RNF166: variants seen among roughly 807,000 people sequenced by gnomAD.
RNF166 encodes ring finger protein 166.
RNF166 carries 19 observed loss-of-function variants against 29.4 expected under a neutral mutation model. The ratio of observed to expected loss-of-function variants is 0.65; its 90% CI spans 0.45 to 0.95. The LOEUF is 0.95. RNF166 is among the 40% of genes least tolerant of loss of function. RNF166 has a pLI of 0.00. For synonymous variants in RNF166, 171 were observed against 134.5 expected (o/e 1.27, Z -1.88); for missense variants, 347 against 322.1 (o/e 1.08, Z -0.59).
intron 1 of RNF166, 154 bp from the exon 2 acceptor site, chr16:88,701,572 T>C (rs1180856996): frequency 1.1e-5 from 8 of 708,400 alleles, no homozygotes; most frequent in African/African-American, 1.8e-5. Context: ...GTCACTCCTA[T>C]GTCCGGGGCC....
chr16:88,696,914 T>C lies in RNF166; in HGVS notation c.*654A>G, dbSNP rs981542692. On this transcript the variant is annotated 3_prime_UTR_variant, in exon 6 of 6. Transcript: ENST00000312838. ...CTCTGGCAGCTGCCCCACTGCTCCTTCCATCCTTGCCCCAATCCCCCAATG... is the reference window on the plus strand; with the variant it reads ...CTCTGGCAGCTGCCCCACTGCTCCTCCCATCCTTGCCCCAATCCCCCAATG... The C allele has an allele frequency of 8.8e-6, 2 of 228,114 alleles. No individual in the cohort carries two copies. Among genetic ancestry groups the C allele is most frequent in the East Asian group, 1.6e-4 (1 of 6,316 alleles). The allele number at this position is 228,114 out of a possible 1,614,324, so 14.1% of individuals were successfully genotyped here.
chr16:88,701,419 C>T lies in RNF166; in HGVS notation c.156-1G>A. 6.3e-7 allele frequency: 1 copy of T among 1,584,902 alleles called. No individual in the cohort carries two copies. The highest frequency in any genetic ancestry group is 8.6e-7 in the Non-Finnish European group (1 of 1,167,446). On this transcript the variant is annotated splice_acceptor_variant, in intron 1 of 5. Coordinates refer to ENST00000312838, the MANE Select transcript of RNF166 (RefSeq NM_178841.4). LOFTEE classifies it high-confidence loss of function. ...GGGCTGGAGACACTCCCCGCAGAACCTGCAGGGCACAGGGGCCTGAGTGCC... is the reference window on the plus strand; with the variant it reads ...GGGCTGGAGACACTCCCCGCAGAACTTGCAGGGCACAGGGGCCTGAGTGCC...
chr16:88,704,092 T>TA, intron 1 of RNF166: 1 of 983,770 alleles, frequency 1.0e-6, no homozygotes, highest in Non-Finnish European at 1.2e-6. Flanking sequence ...CACACTGGGA[T>TA]ACTCTTGCCA....
chr16:88,699,833 C>T (rs945978445), intron 2 of RNF166, 101 bp from the exon 3 acceptor site: 2 of 761,252 alleles, frequency 2.6e-6, no homozygotes, highest in Non-Finnish European at 4.2e-6. Flanking sequence ...GAACTGTAAG[C>T]AAGCGTCTGT....
rs1443147535 is a variant in RNF166, at chr16:88,704,280, C to T, written c.155+1891G>A. ...AACAAAGTTAGAAGCAGAGAGAGAACAGCCAGAAAACAAAAGCCAGCAGGA... is the reference window on the plus strand; with the variant it reads ...AACAAAGTTAGAAGCAGAGAGAGAATAGCCAGAAAACAAAAGCCAGCAGGA... On this transcript the variant is annotated intron_variant, in intron 1 of 5. Coordinates refer to ENST00000312838, the MANE Select transcript of RNF166 (RefSeq NM_178841.4). The T allele has an allele frequency of 4.1e-6, 4 of 985,336 alleles. 1 individual carries two copies. In the Admixed American group the frequency reaches 2.5e-4, roughly 61 times the overall value. The allele number at this position is 985,336 out of a possible 1,614,324, so 61.0% of individuals were successfully genotyped here.
chr16:88,704,507 A>C, intron 1 of RNF166: 1 of 985,442 alleles, frequency 1.0e-6, no homozygotes, highest in Non-Finnish European at 1.2e-6. Flanking sequence ...TATTTGAAAA[A>C]GAAGGGCAAA....
At chr16:88,704,843 A>T (rs1393692209) in intron 1 of RNF166, among the ~76,000 whole-genome samples, 1 of 152,156 alleles carries the variant, frequency 6.6e-6, no homozygotes, top group Non-Finnish European at 1.5e-5. Context: ...TACAGCAATT[A>T]GCCGGGCGTG....
Position 88,697,405 on chromosome 16 carries a change from C to G in RNF166, c.*163G>C. On this transcript the variant is annotated 3_prime_UTR_variant, in exon 6 of 6. Transcript: ENST00000312838. ...GCTCTGGCGGCCTCGGCGGCTGGCCCGTATTCAGGCCCGGAGGCTCGGCCC... is the reference window on the plus strand; with the variant it reads ...GCTCTGGCGGCCTCGGCGGCTGGCCGGTATTCAGGCCCGGAGGCTCGGCCC... 2 of 559,588 alleles carry G rather than the reference C, an allele frequency of 3.6e-6. No individual in the cohort carries two copies. The highest frequency in any genetic ancestry group is 2.3e-5 in the South Asian group (1 of 44,096). The allele number at this position is 559,588 out of a possible 1,614,324, so 34.7% of individuals were successfully genotyped here. A position where few individuals can be genotyped will look rare whatever the true frequency, so the allele number is the denominator to read the frequency against.
rs769976883 is a variant in RNF166 at position 88,699,736 on chromosome 16, G to T, written c.313-4C>A. The T allele has an allele frequency of 1.9e-6, 3 of 1,610,894 alleles. No homozygotes were observed. The highest frequency in any genetic ancestry group is 1.7e-5 in the Admixed American group (1 of 59,864). ...CTCTCATCTTTGCCAGGGTCACCTAGGAGACAGGGCAGGGAGGGCAAGGCG... is the reference window on the plus strand; with the variant it reads ...CTCTCATCTTTGCCAGGGTCACCTATGAGACAGGGCAGGGAGGGCAAGGCG... On this transcript the variant is annotated splice_polypyrimidine_tract_variant and splice_region_variant and intron_variant, in intron 2 of 5. Coordinates refer to ENST00000312838, the MANE Select transcript of RNF166 (RefSeq NM_178841.4).
At chr16:88,697,662 GCTCGA>G in intron 5 of RNF166, 29 bp from the exon 6 acceptor site, 1 of 1,512,836 alleles carries the variant, frequency 6.6e-7, no homozygotes, top group Non-Finnish European at 9.0e-7. Flanking sequence ...GATGCACCGG[GCTCGA>G]GGGAGACAGG....
Position 88,697,427 on chromosome 16 carries a change from G to C in RNF166, c.*141C>G. The C allele has an allele frequency of 1.6e-6, 1 of 627,886 alleles. No homozygotes were observed. The allele number at this position is 627,886 out of a possible 1,614,324, so 38.9% of individuals were successfully genotyped here. A position where few individuals can be genotyped will look rare whatever the true frequency, so the allele number is the denominator to read the frequency against. ...GCCCGTATTCAGGCCCGGAGGCTCGGCCCCGGCTCCCCTTCTGCGCGGGTG... is the reference window on the plus strand; with the variant it reads ...GCCCGTATTCAGGCCCGGAGGCTCGCCCCCGGCTCCCCTTCTGCGCGGGTG... On this transcript the variant is annotated 3_prime_UTR_variant, in exon 6 of 6. Coordinates refer to ENST00000312838, the MANE Select transcript of RNF166 (RefSeq NM_178841.4).
chr16:88,697,775 A>T (rs1015302231), intron 5 of RNF166, 142 bp from the exon 6 acceptor site: 1 of 654,738 alleles, frequency 1.5e-6, no homozygotes, highest in Non-Finnish European at 2.8e-6. Context: ...CACTGTCCCC[A>T]CAGGCTCGGG....
intron 3 of RNF166, 139 bp downstream of exon 3, chr16:88,699,481 C>T (rs2142635928): frequency 3.0e-6 from 2 of 660,172 alleles, no homozygotes; most frequent in East Asian, 2.8e-5. Flanking sequence ...TGCAGGGTGG[C>T]AAGGAAGGTC....
intron 3 of RNF166, 118 bp downstream of exon 3, chr16:88,699,502 G>A (rs1394860545): frequency 6.5e-6 from 5 of 766,126 alleles, no homozygotes; most frequent in African/African-American, 3.5e-5. Context: ...CACTTCCCCA[G>A]AGTGGACCCG....
At chr16:88,700,709 C>T (rs11649226) in intron 2 of RNF166, 258,580 of 987,320 alleles carry the variant, frequency 0.26, 34,428 homozygotes, top group Middle Eastern at 0.38. Flanking sequence ...GGGAGGGCCA[C>T]GGGGCACGGG....
intron 1 of RNF166, chr16:88,703,343 C>T (rs2142667897): frequency 2.0e-6 from 2 of 985,484 alleles, no homozygotes; most frequent in Admixed American, 6.1e-5. Flanking sequence ...CGGGGCTCGG[C>T]TGCACAGCAC....
At chr16:88,703,064 C>A in intron 1 of RNF166, 3 of 985,554 alleles carry the variant, frequency 3.0e-6, no homozygotes, top group Non-Finnish European at 3.6e-6. Context: ...CCACCACGCA[C>A]CGGAAGGCCT....
At chr16:88,698,098 C>T (rs1384406973) in intron 5 of RNF166, 2 of 578,364 alleles carry the variant, frequency 3.5e-6, no homozygotes, top group East Asian at 2.9e-5. Context: ...TCTGCAGGCC[C>T]GGGGGCCAGG....
intron 1 of RNF166, among the ~76,000 whole-genome samples, chr16:88,705,070 G>A (rs1309910941): frequency 2.0e-5 from 3 of 152,240 alleles, no homozygotes; most frequent in Admixed American, 2.0e-4. Context: ...GGCAGAGCCT[G>A]TAGCAGCCTC....
Sources: gnomAD v4.1 joint callset for allele counts (sites outside exome capture counted in the v4.1 genomes callset) on GRCh38, gnomAD v4.1.1 for gene constraint, MANE v1.5 for transcripts, NCBI Gene and HGNC (gene_info 2026-07-23, HGNC 2026-07-21) for gene names.